WDPCP: variants seen among roughly 807,000 people sequenced by gnomAD.
WDPCP encodes the protein WD repeat-containing and planar cell polarity effector protein fritz homolog.
Under a neutral mutation model 93.1 loss-of-function variants are expected in WDPCP, and 71 were observed. The ratio of observed to expected loss-of-function variants is 0.76; its 90% CI spans 0.63 to 0.93. The LOEUF (loss-of-function observed/expected upper bound fraction) is 0.93. Among genes scored for constraint, WDPCP ranks in the 40% least tolerant of loss-of-function variants. WDPCP has a pLI of 0.00. For synonymous variants in WDPCP, 315 were observed against 315.0 expected (o/e 1.00, Z 0.00); for missense variants, 844 against 887.4 (o/e 0.95, Z 0.62).
At chr2:63,421,388 T>C (rs1429076400) in intron 9 of WDPCP, among the ~76,000 whole-genome samples, 1 of 151,962 alleles carries the variant, frequency 6.6e-6, no homozygotes, top group African/African-American at 2.4e-5. Flanking sequence ...TATTAAAAAC[T>C]TTATTTCATT....
chr2:63,728,394 A>G (rs990428154), intron 2 of WDPCP, among the ~76,000 whole-genome samples: 48 of 152,290 alleles, frequency 3.2e-4, no homozygotes, highest in African/African-American at 1.1e-3. Flanking sequence ...AACTTTGAGT[A>G]GGTGCTCACT....
chr2:63,597,707 AGTTTT>A, intron 3 of WDPCP: 1 of 763,132 alleles, frequency 1.3e-6, no homozygotes, highest in Non-Finnish European at 1.8e-6. Context: ...ACGGCTCTAG[AGTTTT>A]GCTTGATAAG....
At chr2:63,538,491 G>A (rs1024972095) in intron 1 of WDPCP, among the ~76,000 whole-genome samples, 1 of 152,180 alleles carries the variant, frequency 6.6e-6, no homozygotes, top group East Asian at 1.9e-4. Flanking sequence ...TTGACAAATT[G>A]TTTTGCACAT....
intron 14 of WDPCP, among the ~76,000 whole-genome samples, chr2:63,203,238 C>T (rs2104348759): frequency 6.6e-6 from 1 of 152,158 alleles, no homozygotes; most frequent in Non-Finnish European, 1.5e-5. Flanking sequence ...CTGAAACAGG[C>T]ATGCAATGTA....
intron 14 of WDPCP, among the ~76,000 whole-genome samples, chr2:63,200,319 T>TC (rs1675805433): frequency 6.6e-6 from 1 of 152,156 alleles, no homozygotes. Context: ...TACCATATGA[T>TC]TCAACAATCC....
intron 1 of WDPCP, among the ~76,000 whole-genome samples, chr2:63,818,250 T>A (rs1297803631): frequency 6.6e-6 from 1 of 152,220 alleles, no homozygotes; most frequent in Non-Finnish European, 1.5e-5. Flanking sequence ...ACATAATTAT[T>A]AAAAGGATCT....
intron 12 of WDPCP, among the ~76,000 whole-genome samples, chr2:63,326,259 C>T (rs773398992): frequency 6.6e-6 from 1 of 152,134 alleles, no homozygotes; most frequent in Non-Finnish European, 1.5e-5. Flanking sequence ...GCATGACTGC[C>T]AACAAATTAT....
At chr2:63,563,350 A>G (rs1377796969) in intron 1 of WDPCP, among the ~76,000 whole-genome samples, 1 of 151,994 alleles carries the variant, frequency 6.6e-6, no homozygotes, top group African/African-American at 2.4e-5. Context: ...GCATCATTTA[A>G]TGGAATAACC....
chr2:63,419,373 C>CTCA (rs1034520042), intron 9 of WDPCP, among the ~76,000 whole-genome samples: 1 of 152,120 alleles, frequency 6.6e-6, no homozygotes, highest in African/African-American at 2.4e-5. Context: ...AACTCCTGAC[C>CTCA]TCATGATCCA....
intron 1 of WDPCP, among the ~76,000 whole-genome samples, chr2:63,529,197 A>G (rs1430895280): frequency 6.6e-6 from 1 of 152,058 alleles, no homozygotes; most frequent in East Asian, 1.9e-4. Flanking sequence ...CTAATTGAAT[A>G]CCCTTTATTT....
intron 10 of WDPCP, among the ~76,000 whole-genome samples, chr2:63,401,096 A>G (rs1316562535): frequency 1.3e-5 from 2 of 152,208 alleles, no homozygotes; most frequent in African/African-American, 4.8e-5. Context: ...CAAAGACTTC[A>G]TGACGAAAAA....
intron 17 of WDPCP, among the ~76,000 whole-genome samples, chr2:63,131,833 CTTTTTTT>C (rs55670342): frequency 1.9e-5 from 2 of 107,720 alleles, no homozygotes; most frequent in Non-Finnish European, 3.8e-5. Flanking sequence ...ATACAGTATT[CTTTTTTT>C]TTTTTTTTTT....
intron 1 of WDPCP, among the ~76,000 whole-genome samples, chr2:63,533,542 C>A (rs144194634): frequency 4.3e-4 from 65 of 152,270 alleles, no homozygotes; most frequent in African/African-American, 1.5e-3. Context: ...AATTAGAACT[C>A]AGGATTAAGA....
intron 2 of WDPCP, among the ~76,000 whole-genome samples, chr2:63,667,654 C>A (rs1033424135): frequency 2.6e-5 from 4 of 152,128 alleles, no homozygotes; most frequent in Non-Finnish European, 5.9e-5. Context: ...CTCTAGAAAG[C>A]CTCTGTGGGT....
At chr2:63,343,442 C>T (rs1470456626) in intron 12 of WDPCP, among the ~76,000 whole-genome samples, 1 of 152,208 alleles carries the variant, frequency 6.6e-6, no homozygotes, top group Non-Finnish European at 1.5e-5. Flanking sequence ...AGGATCCCTT[C>T]TACATGACAA....
chr2:63,772,840 T>C (rs1670248871), intron 2 of WDPCP, among the ~76,000 whole-genome samples: 1 of 152,028 alleles, frequency 6.6e-6, no homozygotes, highest in Admixed American at 6.6e-5. Context: ...ATACCTACAG[T>C]AAATGTCTTA....
rs111624398 is a variant in WDPCP at position 63,708,614 on chromosome 2, G to A, written n.309-57776C>T. On this transcript the variant is annotated intron_variant and non_coding_transcript_variant, in intron 2 of 4. Transcript: ENST00000467687. ...CCTCGCCCTGCTTTGGGTCATGCAC[G>A]GTGCACTGCACCCACTGTCCTGCAC... Among the ~76,000 whole-genome samples, 700 of 152,170 alleles carry A rather than the reference G, an allele frequency of 4.6e-3. 5 individuals are homozygous for A. The highest frequency in any genetic ancestry group is 6.8e-3 in the Middle Eastern group (2 of 294).
At chr2:63,356,409 C>CA (rs1690024815) in intron 12 of WDPCP, among the ~76,000 whole-genome samples, 1 of 152,198 alleles carries the variant, frequency 6.6e-6, no homozygotes, top group African/African-American at 2.4e-5. Flanking sequence ...GACCTGAACT[C>CA]AGCATTGAAC....
chr2:63,459,658 G>A (rs2105738448), intron 6 of WDPCP, among the ~76,000 whole-genome samples: 1 of 152,360 alleles, frequency 6.6e-6, no homozygotes, highest in East Asian at 1.9e-4. Flanking sequence ...GCTCACGCCT[G>A]TAATCCCAGC....
Sources: gnomAD v4.1 joint callset for allele counts (sites outside exome capture counted in the v4.1 genomes callset) on GRCh38, gnomAD v4.1.1 for gene constraint, MANE v1.5 for transcripts, NCBI Gene and HGNC (gene_info 2026-07-23, HGNC 2026-07-21) for gene names.